GRID2: variants seen among roughly 807,000 people sequenced by gnomAD.
GRID2 encodes the protein glutamate receptor ionotropic, delta-2.
A neutral mutation model predicts 114.8 loss-of-function variants in GRID2; 33 were observed. The observed-to-expected ratio is 0.29, with a 90% CI of 0.22 to 0.38. The LOEUF is 0.38. GRID2 is among the 10% of genes least tolerant of loss of function. GRID2 has a pLI of 1.00. For missense variants in GRID2, 1,184 were observed against 1,257.7 expected (o/e 0.94, Z 0.89); for synonymous variants, 505 against 449.9 (o/e 1.12, Z -1.55).
At chr4:92,603,009 C>G (rs1729292798) in intron 2 of GRID2, among the ~76,000 whole-genome samples, 1 of 152,100 alleles carries the variant, frequency 6.6e-6, no homozygotes, top group Non-Finnish European at 1.5e-5. Flanking sequence ...TGAAGGACCT[C>G]TTCAAGGAGA....
chr4:93,431,972 G>T lies in GRID2; in HGVS notation c.1545+9004G>T, dbSNP rs575970683. On this transcript the variant is annotated intron_variant, in intron 10 of 15. Coordinates refer to ENST00000282020, the MANE Select transcript of GRID2 (RefSeq NM_001510.4). Reference sequence around the variant, plus strand: ...GTATGTTAATAATAGATAGGCAAGAGAATGGAAAATTGACAAAGATACTTT... The same window carrying T: ...GTATGTTAATAATAGATAGGCAAGATAATGGAAAATTGACAAAGATACTTT... 9.9e-4 allele frequency among the ~76,000 whole-genome samples: 151 copies of T among 152,254 alleles called. 1 individual carries two copies. The highest frequency in any genetic ancestry group is 3.4e-3 in the African/African-American group (143 of 41,550).
chr4:93,624,751 T>G (rs1232851401), intron 13 of GRID2, among the ~76,000 whole-genome samples: 1 of 152,348 alleles, frequency 6.6e-6, no homozygotes, highest in East Asian at 1.9e-4. Flanking sequence ...TATGAATTTC[T>G]TAAGTCCATT....
chr4:92,697,300 G>T (rs1734463580), intron 2 of GRID2, among the ~76,000 whole-genome samples: 1 of 152,068 alleles, frequency 6.6e-6, no homozygotes, highest in African/African-American at 2.4e-5. Context: ...TGAAGCGGAG[G>T]CTGTTCCTGA....
chr4:93,789,519 A>G (rs1249705830), intron 1 of GRID2, among the ~76,000 whole-genome samples: 1 of 152,200 alleles, frequency 6.6e-6, no homozygotes, highest in Non-Finnish European at 1.5e-5. Context: ...CAATTTTCCA[A>G]TCCAGCATAC....
At chr4:92,919,316 T>G (rs2149501478) in intron 2 of GRID2, among the ~76,000 whole-genome samples, 1 of 152,286 alleles carries the variant, frequency 6.6e-6, no homozygotes, top group South Asian at 2.1e-4. Flanking sequence ...CTGGATTCAT[T>G]GATTTTTTTA....
At chr4:92,340,302 C>G (rs1381732000) in intron 1 of GRID2, among the ~76,000 whole-genome samples, 2 of 152,128 alleles carry the variant, frequency 1.3e-5, no homozygotes, top group African/African-American at 4.8e-5. Context: ...GGTCTTATTC[C>G]TGCTCAGTCC....
intron 4 of GRID2, among the ~76,000 whole-genome samples, chr4:93,195,721 C>T (rs1741421656): frequency 6.6e-6 from 1 of 152,068 alleles, no homozygotes; most frequent in African/African-American, 2.4e-5. Flanking sequence ...GCAATAACAC[C>T]AAAGCACCCA....
At chr4:93,629,111 G>T (rs769449387) in intron 14 of GRID2, among the ~76,000 whole-genome samples, 2 of 152,130 alleles carry the variant, frequency 1.3e-5, no homozygotes, top group Admixed American at 6.5e-5. Flanking sequence ...GAACGTAATA[G>T]TAATTAAAGA....
chr4:93,672,613 A>AT (rs1304789521), intron 14 of GRID2, among the ~76,000 whole-genome samples: 2 of 152,108 alleles, frequency 1.3e-5, no homozygotes, highest in Admixed American at 6.5e-5. Flanking sequence ...TATTCCCACA[A>AT]TTTTTTTCTA....
intron 2 of GRID2, among the ~76,000 whole-genome samples, chr4:92,946,224 C>T (rs1751620173): frequency 6.6e-6 from 1 of 152,000 alleles, no homozygotes; most frequent in Admixed American, 6.6e-5. Context: ...GTCTGGCAAA[C>T]AATTTATTTT....
chr4:93,331,926 C>T (rs1426392295), intron 8 of GRID2, among the ~76,000 whole-genome samples: 3 of 151,980 alleles, frequency 2.0e-5, no homozygotes, highest in Non-Finnish European at 4.4e-5. Context: ...CTATTAGTTT[C>T]TATAAAATTG....
intron 2 of GRID2, among the ~76,000 whole-genome samples, chr4:93,023,165 T>C (rs966361459): frequency 3.3e-5 from 5 of 151,276 alleles, no homozygotes; most frequent in African/African-American, 4.8e-5. Flanking sequence ...ATTGGGCATG[T>C]ATCTTTGGAT....
chr4:92,682,458 A>C (rs1170396382), intron 2 of GRID2, among the ~76,000 whole-genome samples: 2 of 152,198 alleles, frequency 1.3e-5, no homozygotes, highest in Non-Finnish European at 2.9e-5. Flanking sequence ...TTTGATCTAC[A>C]GTAAGCTTTG....
intron 10 of GRID2, among the ~76,000 whole-genome samples, chr4:93,433,211 C>A (rs1226577895): frequency 6.6e-6 from 1 of 152,190 alleles, no homozygotes; most frequent in African/African-American, 2.4e-5. Flanking sequence ...CTATCTGAAT[C>A]ATGACCCAAA....
intron 2 of GRID2, among the ~76,000 whole-genome samples, chr4:92,781,192 G>A (rs1318412515): frequency 2.6e-5 from 4 of 152,166 alleles, no homozygotes; most frequent in African/African-American, 9.6e-5. Context: ...GTTTCAGTGA[G>A]CTGAGATCAC....
chr4:93,632,848 A>G (rs542719363), intron 14 of GRID2, among the ~76,000 whole-genome samples: 1 of 152,280 alleles, frequency 6.6e-6, no homozygotes, highest in East Asian at 1.9e-4. Context: ...CCTACCCATG[A>G]GCATGGAATG....
At chr4:92,639,739 A>C (rs1731251995) in intron 2 of GRID2, among the ~76,000 whole-genome samples, 1 of 151,762 alleles carries the variant, frequency 6.6e-6, no homozygotes, top group African/African-American at 2.4e-5. Flanking sequence ...CTTCACCACT[A>C]TGTAATGTAA....
chr4:92,508,777 G>A (rs1346593684), intron 1 of GRID2, among the ~76,000 whole-genome samples: 1 of 151,920 alleles, frequency 6.6e-6, no homozygotes, highest in Non-Finnish European at 1.5e-5. Flanking sequence ...GGGAATGGCA[G>A]ACAATACTTT....
At chr4:93,319,152 G>T (rs1756973845) in intron 8 of GRID2, among the ~76,000 whole-genome samples, 1 of 151,970 alleles carries the variant, frequency 6.6e-6, no homozygotes, top group Non-Finnish European at 1.5e-5. Context: ...AAAGAACATG[G>T]GTACTTTCAG....
Sources: gnomAD v4.1 joint callset for allele counts (sites outside exome capture counted in the v4.1 genomes callset) on GRCh38, gnomAD v4.1.1 for gene constraint, MANE v1.5 for transcripts, NCBI Gene and HGNC (gene_info 2026-07-23, HGNC 2026-07-21) for gene names.